Variants in ETNK1 observed in about 807,000 individuals in gnomAD.
The protein encoded by ETNK1 is ethanolamine kinase 1, also known as putative protein product of Nbla10396.
ETNK1 carries 8 observed loss-of-function variants against 45.1 expected under a neutral mutation model. That is an observed-to-expected ratio of 0.18 (90% CI 0.10 to 0.32). ETNK1 has a LOEUF of 0.32. Among genes scored for constraint, ETNK1 ranks in the 10% least tolerant of loss-of-function variants. ETNK1 has a pLI of 1.00. For synonymous variants in ETNK1, 152 were observed against 151.9 expected, an observed-to-expected ratio of 1.00 and a Z score of -0.01; for missense variants, 302 against 430.6, an observed-to-expected ratio of 0.70 and a Z score of 2.64.
At position 22,635,878 on chromosome 12, in the gene ETNK1, T is replaced by A. The variant is rs117689398; in HGVS notation, c.157-7885T>A. On this transcript the variant is annotated intron_variant, in intron 1 of 7. Coordinates refer to ENST00000266517, the MANE Select transcript of ETNK1 (RefSeq NM_018638.5). ...TGAAGCCCATAGTCAATTTTGGTAA[T>A]GTTTTGTGTAGTCTTGAAAAGAATG... 3.4e-3 allele frequency among the ~76,000 whole-genome samples: 511 copies of A among 152,314 alleles called. 14 individuals carry two copies. The East Asian group carries it at 0.068, about 20-fold the overall frequency.
chr12:22,680,155 A>G (rs1954201129), intron 6 of ETNK1, among the ~76,000 whole-genome samples: 1 of 151,852 alleles, frequency 6.6e-6, no homozygotes, highest in Non-Finnish European at 1.5e-5. Context: ...ATTTGGGTCT[A>G]CCCCTTCCAA....
rs1954287331 is a variant in ETNK1, at chr12:22,689,589, G to A, written c.*4635G>A. 1 of 151,940 alleles carries A rather than the reference G, an allele frequency of 6.6e-6. No individual in the cohort carries two copies. The highest frequency in any genetic ancestry group is 2.4e-5 in the African/African-American group (1 of 41,422). The allele number at this position is 151,940 out of a possible 1,614,324, so 9.4% of individuals were successfully genotyped here. ...TGTATTTAAAACTAATTAGTGAAGA[G>A]TAAGAAAAAAACTAGCCAACAGAAT... On this transcript the variant is annotated 3_prime_UTR_variant, in exon 8 of 8. Coordinates refer to ENST00000266517, the MANE Select transcript of ETNK1 (RefSeq NM_018638.5).
chr12:22,641,471 C>G (rs1220853290), intron 1 of ETNK1, among the ~76,000 whole-genome samples: 5 of 151,978 alleles, frequency 3.3e-5, no homozygotes, highest in Admixed American at 3.3e-4. Context: ...TTGTTGTTTT[C>G]TTGACCCATT....
At chr12:22,643,467 G>A (rs1953765307) in intron 1 of ETNK1, among the ~76,000 whole-genome samples, 1 of 151,966 alleles carries the variant, frequency 6.6e-6, no homozygotes, top group Non-Finnish European at 1.5e-5. Flanking sequence ...GAAATGGCAG[G>A]TATCAAGAAA....
intron 2 of ETNK1, among the ~76,000 whole-genome samples, chr12:22,644,967 T>C (rs914442517): frequency 2.0e-5 from 3 of 151,990 alleles, no homozygotes; most frequent in South Asian, 2.1e-4. Flanking sequence ...GTAACACTTA[T>C]CTATTGTAAA....
At chr12:22,634,552 C>G (rs1204176723) in intron 1 of ETNK1, among the ~76,000 whole-genome samples, 1 of 151,978 alleles carries the variant, frequency 6.6e-6, no homozygotes, top group Non-Finnish European at 1.5e-5. Context: ...TGTCTTCATA[C>G]ATTTTGCTAA....
At chr12:22,646,515 C>T (rs910798184) in intron 2 of ETNK1, among the ~76,000 whole-genome samples, 2 of 151,762 alleles carry the variant, frequency 1.3e-5, no homozygotes, top group Non-Finnish European at 1.5e-5. Flanking sequence ...TAGGGACTTA[C>T]TGACAATTTG....
intron 1 of ETNK1, among the ~76,000 whole-genome samples, chr12:22,627,149 TA>T: frequency 7.3e-6 from 1 of 136,712 alleles, no homozygotes; most frequent in Admixed American, 7.1e-5. Context: ...TTAGTTAAAT[TA>T]TTTTTTTTTT....
Position 22,680,890 on chromosome 12 carries a change from T to C in ETNK1, c.946-3593T>C, listed in dbSNP as rs536659470. 6.4e-4 allele frequency among the ~76,000 whole-genome samples: 34 copies of C among 53,200 alleles called. 1 individual carries two copies. Among genetic ancestry groups the C allele is most frequent in the South Asian group, 5.4e-3 (5 of 920 alleles). 34.9% of individuals were successfully genotyped at this position (53,200 alleles called of 152,430 possible). On this transcript the variant is annotated intron_variant, in intron 6 of 7. Transcript: ENST00000266517. ...CGTAATGGCTTTGTGGAGCTTTTCT[T>C]CCCCCGCCCCCCCCTCCATTATATG...
chr12:22,630,474 A>C (rs184648301), intron 1 of ETNK1, among the ~76,000 whole-genome samples: 101 of 152,294 alleles, frequency 6.6e-4, no homozygotes, highest in Admixed American at 2.2e-3. Flanking sequence ...GGTAGATGAG[A>C]TCAGATTGAA....
rs1208302295 is a variant in ETNK1, at chr12:22,688,959, T to C, written c.*4005T>C. 1 of 151,940 alleles carries C rather than the reference T, an allele frequency of 6.6e-6. No individual in the cohort carries two copies. The highest frequency in any genetic ancestry group is 1.5e-5 in the Non-Finnish European group (1 of 67,806). The allele number at this position is 151,940 out of a possible 1,614,324, so 9.4% of individuals were successfully genotyped here. A position where few individuals can be genotyped will look rare whatever the true frequency, so the allele number is the denominator to read the frequency against. Reference sequence around the variant, plus strand: ...TACCACTTGTGTGATTCCAGTGTCATGTCTTGGGTTTGATGTCGTTGGACA... The same window carrying C: ...TACCACTTGTGTGATTCCAGTGTCACGTCTTGGGTTTGATGTCGTTGGACA... On this transcript the variant is annotated 3_prime_UTR_variant, in exon 8 of 8. Coordinates refer to ENST00000266517, the MANE Select transcript of ETNK1 (RefSeq NM_018638.5).
chr12:22,625,737 A>C, intron 1 of ETNK1, 151 bp downstream of exon 1: 1 of 1,147,444 alleles, frequency 8.7e-7, no homozygotes, highest in East Asian at 2.6e-5. Flanking sequence ...ATTTCCCCTC[A>C]CACCTAGGAG....
chr12:22,632,115 GAATT>G (rs1395653690), intron 1 of ETNK1, among the ~76,000 whole-genome samples: 4 of 146,822 alleles, frequency 2.7e-5, no homozygotes, highest in Non-Finnish European at 6.0e-5. Context: ...AGAATGTTTT[GAATT>G]AATTCTGTTT....
intron 6 of ETNK1, among the ~76,000 whole-genome samples, chr12:22,681,024 T>G (rs925662287): frequency 6.6e-6 from 1 of 151,928 alleles, no homozygotes; most frequent in Non-Finnish European, 1.5e-5. Flanking sequence ...ACAGAGAGAC[T>G]TACATATCCA....
At chr12:22,648,249 G>C (rs931966412) in intron 2 of ETNK1, among the ~76,000 whole-genome samples, 4 of 151,696 alleles carry the variant, frequency 2.6e-5, no homozygotes, top group Non-Finnish European at 5.9e-5. Context: ...TTACATTAGC[G>C]TACACTCTTG....
rs1411194128 is a variant in ETNK1 at position 22,685,951 on chromosome 12, T to C, written c.*997T>C. On this transcript the variant is annotated 3_prime_UTR_variant, in exon 8 of 8. Coordinates refer to ENST00000266517, the MANE Select transcript of ETNK1 (RefSeq NM_018638.5). ...CCTTACATTTCAGTTTCATGTTTCA[T>C]TCCTCACATTTTAGTTTCATGTTTT... 6.6e-6 allele frequency: 1 copy of C among 152,330 alleles called. No homozygotes were observed. Among genetic ancestry groups the C allele is most frequent in the Non-Finnish European group, 1.5e-5 (1 of 67,814 alleles). 9.4% of individuals were successfully genotyped at this position (152,330 alleles called of 1,614,324 possible). A position where few individuals can be genotyped will look rare whatever the true frequency, so the allele number is the denominator to read the frequency against.
At chr12:22,667,868 G>A (rs1287429394) in intron 4 of ETNK1, among the ~76,000 whole-genome samples, 1 of 152,116 alleles carries the variant, frequency 6.6e-6, no homozygotes, top group Non-Finnish European at 1.5e-5. Flanking sequence ...AATTGGCAGA[G>A]TATTTTTAGT....
intron 3 of ETNK1, among the ~76,000 whole-genome samples, chr12:22,660,297 A>G (rs1953986672): frequency 6.6e-6 from 1 of 152,168 alleles, no homozygotes; most frequent in South Asian, 2.1e-4. Flanking sequence ...GGAAGGAGTG[A>G]AGGAGTATAG....
At chr12:22,680,776 TATAACATTTCAC>T (rs1954206248) in intron 6 of ETNK1, among the ~76,000 whole-genome samples, 1 of 152,138 alleles carries the variant, frequency 6.6e-6, no homozygotes, top group South Asian at 2.1e-4. Context: ...TTCTAAAGAT[TATAACATTTCAC>T]TTGTCATTGA....
Sources: gnomAD v4.1 joint callset for allele counts (sites outside exome capture counted in the v4.1 genomes callset) on GRCh38, gnomAD v4.1.1 for gene constraint, MANE v1.5 for transcripts, NCBI Gene and HGNC (gene_info 2026-07-23, HGNC 2026-07-21) for gene names.